TDRD3: variants seen among roughly 807,000 people sequenced by gnomAD.
TDRD3 encodes the protein tudor domain containing 3.
In TDRD3, 45 loss-of-function variants were observed where a neutral mutation model predicts 86.7. The observed-to-expected ratio is 0.52, with a 90% CI of 0.41 to 0.67. The LOEUF (loss-of-function observed/expected upper bound fraction) is 0.67. Among genes scored for constraint, TDRD3 ranks in the 30% least tolerant of loss-of-function variants. TDRD3 has a pLI of 0.00. For missense variants in TDRD3, 814 were observed against 889.0 expected (o/e 0.92, Z 1.07); for synonymous variants, 298 against 301.7 (o/e 0.99, Z 0.13).
At chr13:60,559,953 G>A (rs1958294852) in intron 12 of TDRD3, among the ~76,000 whole-genome samples, 1 of 152,098 alleles carries the variant, frequency 6.6e-6, no homozygotes, top group African/African-American at 2.4e-5. Context: ...TGTTAACCTT[G>A]ATTGTGATTA....
At chr13:60,407,133 A>C (rs963846355) in intron 1 of TDRD3, among the ~76,000 whole-genome samples, 2 of 152,212 alleles carry the variant, frequency 1.3e-5, no homozygotes, top group African/African-American at 4.8e-5. Context: ...AGAGAGAAAT[A>C]GGGACATATG....
At chr13:60,553,563 A>G (rs1958115692) in intron 12 of TDRD3, among the ~76,000 whole-genome samples, 1 of 151,742 alleles carries the variant, frequency 6.6e-6, no homozygotes, top group Non-Finnish European at 1.5e-5. Flanking sequence ...TAAAAAAAAA[A>G]AAAAGAGGTT....
intron 11 of TDRD3, among the ~76,000 whole-genome samples, chr13:60,533,238 A>G (rs186706728): frequency 7.5e-4 from 114 of 152,336 alleles, no homozygotes; most frequent in African/African-American, 2.6e-3. Flanking sequence ...TATTAAATAT[A>G]CTAGTTAAAA....
chr13:60,423,554 AAT>A (rs1300170046), intron 1 of TDRD3, among the ~76,000 whole-genome samples: 2 of 152,222 alleles, frequency 1.3e-5, no homozygotes, highest in Admixed American at 6.5e-5. Flanking sequence ...GGAAAACATT[AAT>A]AACTTCCATA....
intron 3 of TDRD3, among the ~76,000 whole-genome samples, chr13:60,458,042 A>G (rs779717080): frequency 3.9e-5 from 6 of 152,184 alleles, no homozygotes; most frequent in Non-Finnish European, 7.3e-5. Flanking sequence ...TGGTGGAGCC[A>G]CTATTTAACC....
chr13:60,490,362 G>A (rs1956558819), intron 7 of TDRD3, among the ~76,000 whole-genome samples: 1 of 152,266 alleles, frequency 6.6e-6, no homozygotes. Flanking sequence ...CCAGGCAGAA[G>A]GAAAAGCCAT....
chr13:60,435,627 T>G (rs1050736322), intron 1 of TDRD3, among the ~76,000 whole-genome samples: 2 of 152,232 alleles, frequency 1.3e-5, no homozygotes, highest in Admixed American at 6.5e-5. Flanking sequence ...CTGAGTAGTA[T>G]TCTATGGTGT....
intron 5 of TDRD3, among the ~76,000 whole-genome samples, chr13:60,469,751 T>C (rs1956035886): frequency 6.6e-6 from 1 of 152,164 alleles, no homozygotes; most frequent in South Asian, 2.1e-4. Context: ...GCACTAAGCA[T>C]TCAGTAAACT....
chr13:60,397,847 G>T (rs1953976074), intron 1 of TDRD3, among the ~76,000 whole-genome samples: 1 of 152,134 alleles, frequency 6.6e-6, no homozygotes, highest in African/African-American at 2.4e-5. Context: ...AACGCGGCCG[G>T]AGCCCGCGGG....
In TDRD3 at chr13:60,528,573, G is replaced by C; in HGVS notation, c.1348G>C (p.Gly450Arg). Residue 450 changes from glycine to arginine, a missense_variant, in exon 11 of 14, where the codon GGT becomes CGT. Transcript: ENST00000377881. ...AGGCAGTGGATTACCTAGAAATAGA[G>C]GTTCTGAAAGACCAAGTACTTCTTC... ...LEGSGLPRNR[G>R]SERPSTSSVS... 5 of 1,613,956 alleles carry C rather than the reference G, an allele frequency of 3.1e-6. No individual in the cohort carries two copies. The highest frequency in any genetic ancestry group is 4.2e-6 in the Non-Finnish European group (5 of 1,179,926).
intron 5 of TDRD3, among the ~76,000 whole-genome samples, chr13:60,478,834 C>G (rs1248745992): frequency 2.3e-5 from 3 of 130,784 alleles, no homozygotes; most frequent in Non-Finnish European, 4.7e-5. Context: ...GATGGAGTCT[C>G]ACTGTGTCAT....
At chr13:60,444,634 ATT>A (rs750266895) in intron 2 of TDRD3, 47 bp from the exon 3 acceptor site, 1 of 1,100,372 alleles carries the variant, frequency 9.1e-7, no homozygotes. Flanking sequence ...TTAGATTTAA[ATT>A]TACTCTTTTC....
chr13:60,428,187 C>T (rs1954857955), intron 1 of TDRD3, among the ~76,000 whole-genome samples: 1 of 150,410 alleles, frequency 6.6e-6, no homozygotes, highest in African/African-American at 2.5e-5. Flanking sequence ...CTGCCTCTCT[C>T]CTATAAAAAC....
chr13:60,420,000 A>G (rs1954615527), intron 1 of TDRD3, among the ~76,000 whole-genome samples: 1 of 151,996 alleles, frequency 6.6e-6, no homozygotes, highest in African/African-American at 2.4e-5. Context: ...CATCTCTCTT[A>G]TAATTATTGT....
chr13:60,451,216 T>C (rs1251303399), intron 3 of TDRD3, among the ~76,000 whole-genome samples: 1 of 152,204 alleles, frequency 6.6e-6, no homozygotes, highest in African/African-American at 2.4e-5. Flanking sequence ...CCAGCCTCCT[T>C]TGCAGCTATG....
intron 8 of TDRD3, among the ~76,000 whole-genome samples, chr13:60,508,620 A>G (rs1956988128): frequency 6.6e-6 from 1 of 152,232 alleles, no homozygotes; most frequent in African/African-American, 2.4e-5. Context: ...AAATTAACTC[A>G]AGATGGATTA....
chr13:60,475,290 G>A (rs1277072135), intron 5 of TDRD3, among the ~76,000 whole-genome samples: 1 of 151,910 alleles, frequency 6.6e-6, no homozygotes, highest in Non-Finnish European at 1.5e-5. Context: ...CCATCTCTGT[G>A]TCCATGTGTA....
chr13:60,496,495 A>G (rs1956723014), intron 8 of TDRD3, among the ~76,000 whole-genome samples: 1 of 151,600 alleles, frequency 6.6e-6, no homozygotes, highest in Admixed American at 6.6e-5. Context: ...CAAAACTGCT[A>G]TGGACTCTAC....
intron 10 of TDRD3, 104 bp from the exon 11 acceptor site, chr13:60,528,263 A>G: frequency 7.9e-7 from 1 of 1,265,010 alleles, no homozygotes; most frequent in Non-Finnish European, 1.0e-6. Context: ...AGATTTTAGA[A>G]TAGTAGTTTG....
Sources: allele counts gnomAD v4.1 joint callset (sites outside exome capture counted in the v4.1 genomes callset), GRCh38; gene constraint gnomAD v4.1.1; transcripts MANE v1.5; gene names NCBI Gene and HGNC (gene_info 2026-07-23, HGNC 2026-07-21).